The following LPCAT1 variants were observed in gnomAD, a reference collection of about 807,000 sequenced individuals.
The protein encoded by LPCAT1 is lysophosphatidylcholine acyltransferase 1.
A neutral mutation model predicts 60.9 loss-of-function variants in LPCAT1; 23 were observed. That is an observed-to-expected ratio of 0.38 (90% CI 0.27 to 0.53). The LOEUF is 0.53. LPCAT1 is among the 20% of genes least tolerant of loss of function. The pLI is 0.82. For synonymous variants in LPCAT1, 340 were observed against 301.1 expected (o/e 1.13, Z -1.34); for missense variants, 622 against 723.6 (o/e 0.86, Z 1.61).
chr5:1,462,421 G>A lies in LPCAT1; in HGVS notation c.*1230C>T, dbSNP rs1318417146. On this transcript the variant is annotated 3_prime_UTR_variant, in exon 14 of 14. Transcript: ENST00000283415. Reference sequence around the variant, plus strand: ...TGCCTTTGACTCTAAGATGGGGCAGGACCCCCGCTCTCAGTGGGATGTGCC... The same window carrying A: ...TGCCTTTGACTCTAAGATGGGGCAGAACCCCCGCTCTCAGTGGGATGTGCC... 1 of 152,420 alleles carries A rather than the reference G, an allele frequency of 6.6e-6. No individual in the cohort carries two copies. Among genetic ancestry groups the A allele is most frequent in the Non-Finnish European group, 1.5e-5 (1 of 68,060 alleles). 9.4% of individuals were successfully genotyped at this position (152,420 alleles called of 1,614,324 possible). A position where few individuals can be genotyped will look rare whatever the true frequency, so the allele number is the denominator to read the frequency against.
At chr5:1,491,098 G>T (rs1735560888) in intron 3 of LPCAT1, among the ~76,000 whole-genome samples, 1 of 151,656 alleles carries the variant, frequency 6.6e-6, no homozygotes, top group East Asian at 1.9e-4. Flanking sequence ...TCTATCCTGT[G>T]GTTGTCTGTT....
In LPCAT1 at chr5:1,462,299, G is replaced by GGTTTCTAATTCTGTCATAAA. The variant is rs1172782879; in HGVS notation, c.*1332_*1351dup. ...TGATGATTATTGTGCTTGAAGGATGGGTTTCTAATTCTGTCATAAAAAATG... is the reference window on the plus strand; with the variant it reads ...TGATGATTATTGTGCTTGAAGGATGGGTTTCTAATTCTGTCATAAAGTTTCTAATTCTGTCATAAAAAATG... On this transcript the variant is annotated 3_prime_UTR_variant, in exon 14 of 14. Coordinates refer to ENST00000283415, the MANE Select transcript of LPCAT1 (RefSeq NM_024830.5). The GGTTTCTAATTCTGTCATAAA allele has an allele frequency of 1.3e-5, 2 of 152,462 alleles. No homozygotes were observed. The highest frequency in any genetic ancestry group is 4.8e-5 in the African/African-American group (2 of 41,374). 9.4% of individuals were successfully genotyped at this position (152,462 alleles called of 1,614,324 possible).
At position 1,521,207 on chromosome 5, in the gene LPCAT1, C is replaced by T. The variant is rs527874380; in HGVS notation, c.135+2503G>A. The T allele has an allele frequency of 1.4e-5, 6 of 416,478 alleles. No homozygotes were observed. In the Admixed American group the frequency reaches 3.8e-4, roughly 27 times the overall value. 25.8% of individuals were successfully genotyped at this position (416,478 alleles called of 1,614,324 possible). On this transcript the variant is annotated intron_variant, in intron 1 of 13. Transcript: ENST00000283415. This position sits in a 1 kb window ranked among gnomAD's most constrained non-coding sequence, Gnocchi z 4.3. ...GTGCTGTTTTCTGTCCAAAGAGATA[C>T]TTAAGCTCCTCACTAAATCTGTAGT...
At position 1,474,015 on chromosome 5, in the gene LPCAT1, G is replaced by T; in HGVS notation, c.1121C>A (p.Ala374Asp). The T allele has an allele frequency of 6.2e-7, 1 of 1,614,188 alleles. No homozygotes were observed. Among genetic ancestry groups the T allele is most frequent in the South Asian group, 1.1e-5 (1 of 91,084 alleles). ...GEKIGIAEFAASLEVPVSDLL... is the reference protein window; with the variant it reads ...GEKIGIAEFADSLEVPVSDLL... Reference sequence around the variant, plus strand: ...GTCAGAAACGGGGACTTCCAGGGAGGCGGCAAACTCCGCAATACCTATCTT... The same window carrying T: ...GTCAGAAACGGGGACTTCCAGGGAGTCGGCAAACTCCGCAATACCTATCTT... Residue 374 changes from alanine (A) to aspartate (D), a missense_variant, in exon 11 of 14, where the codon GCC (alanine) becomes GAC (aspartate). Physicochemically the swap from Ala to Asp is moderately radical, Grantham distance 126. Around this residue, in one of 3 missense-constraint regions of LPCAT1, gnomAD observed 288 missense variants for 283.6 expected, o/e 1.02. Transcript: ENST00000283415.
Position 1,513,904 on chromosome 5 carries a change from CA to C in LPCAT1, c.135+9805del, listed in dbSNP as rs1736428306. Among the ~76,000 whole-genome samples the C allele has an allele frequency of 1.3e-5, 2 of 151,632 alleles. 1 individual carries two copies. Among genetic ancestry groups the C allele is most frequent in the African/African-American group, 4.9e-5 (2 of 41,214 alleles). On this transcript the variant is annotated intron_variant, in intron 1 of 13. Transcript: ENST00000283415. Reference sequence around the variant, plus strand: ...CATTTCCTCCATTTCCACAGGCTCTCACCCGTGGGGCGGAACACCCTGTGAT... The same window carrying C: ...CATTTCCTCCATTTCCACAGGCTCTCCCCGTGGGGCGGAACACCCTGTGAT...
chr5:1,465,033 C>CACTA (rs143228801), intron 13 of LPCAT1, among the ~76,000 whole-genome samples: 61,625 of 146,660 alleles, frequency 0.42, 13,572 homozygotes, highest in Non-Finnish European at 0.51. Flanking sequence ...AGCGCAGGCA[C>CACTA]ACTAAACACA....
At chr5:1,498,932 C>A (rs377711390) in intron 2 of LPCAT1, among the ~76,000 whole-genome samples, 27 of 137,476 alleles carry the variant, frequency 2.0e-4, no homozygotes, top group Non-Finnish European at 1.2e-4. Flanking sequence ...CATATGTACA[C>A]ACATACACAC....
chr5:1,463,654 A>G lies in LPCAT1; in HGVS notation c.1602T>C (p.Asp534=). ...AGRKPVRKKL[D] is the part of the protein sequence containing the mutation. The stretch of plus-strand genomic sequence containing the variant: ...CGTCTCTCCGCAACCCTGGGTCCTA[A>G]TCCAGCTTCTTGCGAACAGGCTTCC... The change falls in exon 14 of 14, where the codon GAT becomes GAC. Residue 534 remains aspartate, a synonymous_variant. Transcript: ENST00000283415. 6.2e-7 allele frequency: 1 copy of G among 1,614,070 alleles called. No homozygotes were observed. The highest frequency in any genetic ancestry group is 8.5e-7 in the Non-Finnish European group (1 of 1,180,016).
At chr5:1,489,460 G>A (rs925108475) in intron 4 of LPCAT1, among the ~76,000 whole-genome samples, 2 of 152,250 alleles carry the variant, frequency 1.3e-5, no homozygotes, top group Admixed American at 1.3e-4. Context: ...CACTGCACCA[G>A]GAGGGCGGGT....
chr5:1,483,690 G>C lies in LPCAT1; in HGVS notation c.668-204C>G, dbSNP rs188684716. On this transcript the variant is annotated intron_variant, in intron 5 of 13. Coordinates refer to ENST00000283415, the MANE Select transcript of LPCAT1 (RefSeq NM_024830.5). The surrounding 1 kb of genome is among the most constrained non-coding windows in gnomAD (Gnocchi z 9.2). ...CACAGCACGGATGGGCAGGAACATC[G>C]GCCAGGGGCGCTCCCCGGCCAAGGA... Among the ~76,000 whole-genome samples, 1 of 152,236 alleles carries C rather than the reference G, an allele frequency of 6.6e-6. No homozygotes were observed. The highest frequency in any genetic ancestry group is 1.5e-5 in the Non-Finnish European group (1 of 68,050).
At chr5:1,488,594 T>G (rs1333547363) in intron 4 of LPCAT1, 143 bp from the exon 5 acceptor site, 2 of 585,674 alleles carry the variant, frequency 3.4e-6, no homozygotes, top group African/African-American at 3.8e-5. Flanking sequence ...CGTAAATTAT[T>G]AAAATGCATT....
rs567295315 is a variant in LPCAT1 at position 1,495,129 on chromosome 5, C to T, written c.279-215G>A. ...TCCTCGCTGGCTGCGCTCTCACCTA[C>T]GAAGGAGGCCGCGGGGCCCTGTGTG... On this transcript the variant is annotated intron_variant, in intron 2 of 13. Transcript: ENST00000283415. The surrounding 1 kb of genome is among the most constrained non-coding windows in gnomAD (Gnocchi z 4.7). Among the ~76,000 whole-genome samples the T allele has an allele frequency of 1.9e-3, 283 of 152,294 alleles. 1 individual carries two copies. The highest frequency in any genetic ancestry group is 2.4e-3 in the Non-Finnish European group (163 of 68,018).
At chr5:1,513,066 C>T (rs1355120299) in intron 1 of LPCAT1, among the ~76,000 whole-genome samples, 3 of 152,172 alleles carry the variant, frequency 2.0e-5, no homozygotes, top group Non-Finnish European at 2.9e-5. Context: ...GGAGGGAGGG[C>T]CCAGGCAGGG....
In LPCAT1 at chr5:1,522,608, G is replaced by A. The variant is rs1736709357; in HGVS notation, c.135+1102C>T. ...GCTTTGAGCAAAAGCAGGCGTCCTG[G>A]GAAAATGACAAGCTCAAACTGGCCT... On this transcript the variant is annotated intron_variant, in intron 1 of 13. Coordinates refer to ENST00000283415, the MANE Select transcript of LPCAT1 (RefSeq NM_024830.5). The surrounding 1 kb of genome is among the most constrained non-coding windows in gnomAD (Gnocchi z 6.8). Among the ~76,000 whole-genome samples, 1 of 152,172 alleles carries A rather than the reference G, an allele frequency of 6.6e-6. No individual in the cohort carries two copies. Among genetic ancestry groups the A allele is most frequent in the Non-Finnish European group, 1.5e-5 (1 of 68,018 alleles).
chr5:1,476,584 C>T lies in LPCAT1; in HGVS notation c.899+820G>A, dbSNP rs936809810. Among the ~76,000 whole-genome samples, 5 of 152,252 alleles carry T rather than the reference C, an allele frequency of 3.3e-5. No individual in the cohort carries two copies. The highest frequency in any genetic ancestry group is 6.5e-5 in the Admixed American group (1 of 15,304). Reference sequence around the variant, plus strand: ...TGCAGCAGGAGCCTGGGGGTGGGGCCGGTGGACCGAGGCTGATGTGGCTTC... The same window carrying T: ...TGCAGCAGGAGCCTGGGGGTGGGGCTGGTGGACCGAGGCTGATGTGGCTTC... On this transcript the variant is annotated intron_variant, in intron 9 of 13. Transcript: ENST00000283415. This position sits in a 1 kb window ranked among gnomAD's most constrained non-coding sequence, Gnocchi z 8.6.
Position 1,467,873 on chromosome 5 carries a change from G to A in LPCAT1, c.1279-983C>T, listed in dbSNP as rs541834483. Among the ~76,000 whole-genome samples, 23 of 152,150 alleles carry A rather than the reference G, an allele frequency of 1.5e-4. 1 individual carries two copies. In the South Asian group the frequency reaches 4.8e-3, roughly 32 times the overall value. On this transcript the variant is annotated intron_variant, in intron 12 of 13. Transcript: ENST00000283415. ...GCCTGGGGCTGCACCATCCCCCGCC[G>A]CCCTCTCTCTGCCTGGGGTCCACGG...
chr5:1,466,071 C>T (rs1734386851), intron 13 of LPCAT1, among the ~76,000 whole-genome samples: 1 of 152,278 alleles, frequency 6.6e-6, no homozygotes. Flanking sequence ...ATTGCGGCAT[C>T]CACTGGGATG....
intron 13 of LPCAT1, among the ~76,000 whole-genome samples, chr5:1,464,552 A>C (rs1734247216): frequency 1.3e-5 from 2 of 152,228 alleles, no homozygotes; most frequent in South Asian, 4.1e-4. Context: ...AAGCGCACGC[A>C]TGCACACATG....
chr5:1,518,057 T>TCTCGCCTCAG, intron 1 of LPCAT1, among the ~76,000 whole-genome samples: 1 of 152,254 alleles, frequency 6.6e-6, no homozygotes, highest in South Asian at 2.1e-4. Context: ...CCCGCAGGGC[T>TCTCGCCTCAG]GACGGACGCC....
Sources: allele counts gnomAD v4.1 joint callset (sites outside exome capture counted in the v4.1 genomes callset), GRCh38; gene constraint gnomAD v4.1.1; regional missense constraint gnomAD v4.1.1; non-coding constraint Gnocchi (gnomAD v3.1); transcripts MANE v1.5; gene names NCBI Gene and HGNC (gene_info 2026-07-23, HGNC 2026-07-21).